Variants in C5orf22 observed in about 807,000 individuals in gnomAD.
C5orf22 encodes UPF0489 protein C5orf22.
A neutral mutation model predicts 48.7 loss-of-function variants in C5orf22; 36 were observed. The observed-to-expected ratio is 0.74, with a 90% CI of 0.57 to 0.98. C5orf22 has a LOEUF of 0.98. Ranked by LOEUF, C5orf22 falls within the 50% of genes least tolerant of loss-of-function variation. The pLI is 0.00. For missense variants in C5orf22, 486 were observed against 521.9 expected (o/e 0.93, Z 0.67); for synonymous variants, 141 against 180.8 (o/e 0.78, Z 1.76).
Position 31,553,153 on chromosome 5 carries a change from GT to G in C5orf22, c.*262del, listed in dbSNP as rs558847315. The G allele has an allele frequency of 3.1e-3, 803 of 262,872 alleles. No homozygotes were observed. Among genetic ancestry groups the G allele is most frequent in the East Asian group, 8.4e-3 (101 of 12,026 alleles). 16.3% of individuals were successfully genotyped at this position (262,872 alleles called of 1,614,324 possible). On this transcript the variant is annotated 3_prime_UTR_variant, in exon 9 of 9. Coordinates refer to ENST00000325366, the MANE Select transcript of C5orf22 (RefSeq NM_018356.3). ...TTCCTTAAGTATTTTTTAGGGTTTT[GT>G]TTTTTTTTTTGTTTGTTTGTTTGTT...
At chr5:31,541,085 T>C (rs968545876) in intron 5 of C5orf22, 74 bp downstream of exon 5, 3 of 1,249,830 alleles carry the variant, frequency 2.4e-6, no homozygotes, top group African/African-American at 1.5e-5. Flanking sequence ...ATTACCACAG[T>C]GATCTCAAAG....
At chr5:31,548,224 C>T in intron 7 of C5orf22, among the ~76,000 whole-genome samples, 1 of 151,858 alleles carries the variant, frequency 6.6e-6, no homozygotes, top group East Asian at 1.9e-4. Flanking sequence ...TCGCTTGAAC[C>T]TGAGAGGCAA....
chr5:31,546,982 A>G (rs752956613), intron 7 of C5orf22, among the ~76,000 whole-genome samples: 31 of 152,348 alleles, frequency 2.0e-4, no homozygotes, highest in Non-Finnish European at 2.9e-4. Context: ...TCAAAAGTCC[A>G]CAGTCCAACA....
rs1742117182 is a variant in C5orf22, at chr5:31,536,669, A to G, written c.377+776A>G. On this transcript the variant is annotated intron_variant, in intron 3 of 8. Coordinates refer to ENST00000325366, the MANE Select transcript of C5orf22 (RefSeq NM_018356.3). ...TTCTTTATAATATAATTAGTTTCAG[A>G]TAAGTACTTAATCTAAAGTAAATTA... Among the ~76,000 whole-genome samples, 5 of 152,332 alleles carry G rather than the reference A, an allele frequency of 3.3e-5. No homozygotes were observed. In the South Asian group the frequency reaches 1.0e-3, roughly 32 times the overall value.
At chr5:31,536,478 G>C (rs1027576218) in intron 3 of C5orf22, among the ~76,000 whole-genome samples, 3 of 152,162 alleles carry the variant, frequency 2.0e-5, no homozygotes, top group Admixed American at 2.0e-4. Context: ...AGCTGAGATC[G>C]TGCCACTGTA....
At chr5:31,538,112 A>C in intron 3 of C5orf22, 148 bp from the exon 4 acceptor site, 1 of 643,430 alleles carries the variant, frequency 1.6e-6, no homozygotes, top group Admixed American at 2.5e-5. Flanking sequence ...GAGGAATGCT[A>C]TTTCTACAGA....
Position 31,538,698 on chromosome 5 carries a change from T to C in C5orf22, c.807+9T>C, listed in dbSNP as rs1742267388. ...AAGAAATGTTCACTCAGGTAAATAA[T>C]TGTGTTTTTAACACATAGATCTTGA... On this transcript the variant is annotated intron_variant, in intron 4 of 8. Coordinates refer to ENST00000325366, the MANE Select transcript of C5orf22 (RefSeq NM_018356.3). 3 of 1,597,176 alleles carry C rather than the reference T, an allele frequency of 1.9e-6. No homozygotes were observed. Among genetic ancestry groups the C allele is most frequent in the African/African-American group, 2.7e-5 (2 of 74,498 alleles).
In C5orf22 at chr5:31,534,334, T is replaced by C. The variant is rs1388467667; in HGVS notation, c.144T>C (p.Phe48=). The C allele has an allele frequency of 5.6e-6, 9 of 1,613,354 alleles. No individual in the cohort carries two copies. In the African/African-American group the frequency reaches 1.2e-4, roughly 22 times the overall value. The change falls in exon 2 of 9, where the codon TTT becomes TTC. Residue 48 remains phenylalanine, a synonymous_variant. Coordinates refer to ENST00000325366, the MANE Select transcript of C5orf22 (RefSeq NM_018356.3). The part of the protein sequence containing the change: ...SKHLPASNVS[F]LHFDSHPDLL... ...ATCTTCCTGCCAGTAATGTAAGTTT[T>C]TTACATTTCGACTCACATCCAGACC...
At position 31,552,972 on chromosome 5, in the gene C5orf22, A is replaced by T. The variant is rs540108237; in HGVS notation, c.*70A>T. 3.6e-4 allele frequency: 509 copies of T among 1,396,750 alleles called. 4 individuals carry two copies. The highest frequency in any genetic ancestry group is 4.5e-5 in the Non-Finnish European group (45 of 1,002,400). 86.5% of individuals were successfully genotyped at this position (1,396,750 alleles called of 1,614,324 possible). A position where few individuals can be genotyped will look rare whatever the true frequency, so the allele number is the denominator to read the frequency against. ...AGGCCCTTAATTAACTTATTTGTACATGAGTCTTCCAGAGAACACTGTTTT... is the reference window on the plus strand; with the variant it reads ...AGGCCCTTAATTAACTTATTTGTACTTGAGTCTTCCAGAGAACACTGTTTT... On this transcript the variant is annotated 3_prime_UTR_variant, in exon 9 of 9. Transcript: ENST00000325366.
intron 4 of C5orf22, among the ~76,000 whole-genome samples, chr5:31,539,169 A>G (rs774943235): frequency 4.6e-5 from 7 of 152,258 alleles, no homozygotes; most frequent in Non-Finnish European, 1.0e-4. Flanking sequence ...AACTATTTAC[A>G]TAGGATTTAC....
intron 1 of C5orf22, 79 bp downstream of exon 1, chr5:31,532,552 C>CTTAGTT: frequency 7.9e-7 from 1 of 1,266,604 alleles, no homozygotes; most frequent in South Asian, 1.3e-5. Context: ...AGGGCGCAAC[C>CTTAGTT]TTAGCATCGG....
chr5:31,550,096 G>C (rs531336543), intron 7 of C5orf22, among the ~76,000 whole-genome samples: 108 of 152,174 alleles, frequency 7.1e-4, no homozygotes, highest in African/African-American at 2.5e-3. Context: ...TTATCATTTT[G>C]GCAAAATGAA....
intron 6 of C5orf22, among the ~76,000 whole-genome samples, chr5:31,542,384 C>T (rs1450303264): frequency 2.7e-5 from 4 of 146,530 alleles, no homozygotes; most frequent in South Asian, 2.2e-4. Context: ...GGCGTGAATC[C>T]GGGAGGCGGA....
chr5:31,550,315 A>G (rs1372155855), intron 7 of C5orf22, among the ~76,000 whole-genome samples: 6 of 152,224 alleles, frequency 3.9e-5, no homozygotes, highest in African/African-American at 1.4e-4. Context: ...AGCCACTTCT[A>G]ACTTTCAGGC....
At chr5:31,545,982 G>A (rs1045630041) in intron 7 of C5orf22, among the ~76,000 whole-genome samples, 10 of 151,832 alleles carry the variant, frequency 6.6e-5, no homozygotes, top group Non-Finnish European at 1.0e-4. Context: ...GTCTGTGGTC[G>A]GATCTCTCTT....
intron 6 of C5orf22, among the ~76,000 whole-genome samples, chr5:31,542,131 G>A (rs1028385045): frequency 1.3e-5 from 2 of 152,058 alleles, no homozygotes; most frequent in Non-Finnish European, 2.9e-5. Context: ...CAACAGAAAA[G>A]TAAATTACTT....
chr5:31,533,721 A>G (rs1390345553), intron 1 of C5orf22, among the ~76,000 whole-genome samples: 1 of 152,088 alleles, frequency 6.6e-6, no homozygotes, highest in East Asian at 1.9e-4. Flanking sequence ...GCAGAGCGAA[A>G]TCCCATCTCT....
In C5orf22 at chr5:31,537,612, C is replaced by G. The variant is rs188066526; in HGVS notation, c.378-648C>G. On this transcript the variant is annotated intron_variant, in intron 3 of 8. Transcript: ENST00000325366. ...ACTGTTTGAAGTATTTACCAAGTCACCTTTCATACTGAGAATATTATGGTT... is the reference window on the plus strand; with the variant it reads ...ACTGTTTGAAGTATTTACCAAGTCAGCTTTCATACTGAGAATATTATGGTT... Among the ~76,000 whole-genome samples the G allele has an allele frequency of 5.9e-5, 9 of 152,230 alleles. 1 individual carries two copies. Among genetic ancestry groups the G allele is most frequent in the East Asian group, 3.9e-4 (2 of 5,184 alleles).
intron 4 of C5orf22, among the ~76,000 whole-genome samples, chr5:31,539,654 G>A (rs556057629): frequency 6.6e-5 from 10 of 152,156 alleles, no homozygotes. Flanking sequence ...TGGTACAATG[G>A]ACTTTTTAAA....
Sources: gnomAD v4.1 joint callset for allele counts (sites outside exome capture counted in the v4.1 genomes callset) on GRCh38, gnomAD v4.1.1 for gene constraint, MANE v1.5 for transcripts, NCBI Gene and HGNC (gene_info 2026-07-23, HGNC 2026-07-21) for gene names.